Variants in MX1 observed in about 807,000 individuals in gnomAD.
MX1 encodes interferon-induced GTP-binding protein Mx1.
In MX1, 66 loss-of-function variants were observed where a neutral mutation model predicts 66.4. That is an observed-to-expected ratio of 0.99 (90% CI 0.82 to 1.22). The LOEUF is 1.22. Ranked by LOEUF, MX1 falls within the 50% of genes most tolerant of loss-of-function variation. The pLI, the probability that MX1 is intolerant of heterozygous loss-of-function variation, is 0.00. For synonymous variants in MX1, 311 were observed against 318.1 expected (o/e 0.98, Z 0.24); for missense variants, 787 against 834.3 (o/e 0.94, Z 0.70).
Position 41,441,161 on chromosome 21 carries a change from C to G in MX1, c.730+136C>G. On this transcript the variant is annotated intron_variant, in intron 9 of 16. Coordinates refer to ENST00000398598, the MANE Select transcript of MX1 (RefSeq NM_002462.5). The surrounding 1 kb of genome is among the most constrained non-coding windows in gnomAD (Gnocchi z 4.0). ...TGCTCGGTGAGAATGGGGGAGCCCGCCTGTGCTCGGTGGTCTGCCAGTGGG... is the reference window on the plus strand; with the variant it reads ...TGCTCGGTGAGAATGGGGGAGCCCGGCTGTGCTCGGTGGTCTGCCAGTGGG... The G allele has an allele frequency of 8.1e-7, 1 of 1,236,160 alleles. No homozygotes were observed. Among genetic ancestry groups the G allele is most frequent in the Non-Finnish European group, 1.1e-6 (1 of 912,730 alleles). The allele number at this position is 1,236,160 out of a possible 1,614,324, so 76.6% of individuals were successfully genotyped here. A position where few individuals can be genotyped will look rare whatever the true frequency, so the allele number is the denominator to read the frequency against.
chr21:41,444,410 T>TCTGCCTC (rs2090606604), intron 11 of MX1, among the ~76,000 whole-genome samples: 1 of 139,064 alleles, frequency 7.2e-6, no homozygotes, highest in Admixed American at 7.7e-5. Flanking sequence ...CACTGCAACC[T>TCTGCCTC]CTGCCTCCTG....
At chr21:41,443,170 A>ACT (rs10670165) in intron 10 of MX1, among the ~76,000 whole-genome samples, 74,976 of 151,892 alleles carry the variant, frequency 0.49, 19,521 homozygotes, top group Non-Finnish European at 0.59. Flanking sequence ...GTATGAGTAT[A>ACT]CTCACAAAAA....
chr21:41,444,049 C>T lies in MX1; in HGVS notation c.1008+183C>T, dbSNP rs534118520. Reference sequence around the variant, plus strand: ...TCTGCATTTCCAGCAAGCCCCCAGACAATGTGGATATTCCTTTTCAGGGGA... The same window carrying T: ...TCTGCATTTCCAGCAAGCCCCCAGATAATGTGGATATTCCTTTTCAGGGGA... On this transcript the variant is annotated intron_variant, in intron 11 of 16. Coordinates refer to ENST00000398598, the MANE Select transcript of MX1 (RefSeq NM_002462.5). Among the ~76,000 whole-genome samples the T allele has an allele frequency of 3.3e-5, 5 of 152,278 alleles. No individual in the cohort carries two copies. The East Asian group carries it at 7.7e-4, about 23-fold the overall frequency.
chr21:41,456,907 A>C (rs998114435), intron 16 of MX1, among the ~76,000 whole-genome samples: 1 of 152,106 alleles, frequency 6.6e-6, no homozygotes, highest in Non-Finnish European at 1.5e-5. Context: ...GACTACAGGC[A>C]CGTGCCACCA....
chr21:41,442,024 TGC>T (rs1555885676), intron 10 of MX1, 110 bp downstream of exon 10: 14,174 of 986,750 alleles, frequency 0.014, 285 homozygotes, highest in East Asian at 0.12. Context: ...TGTGTGTGTG[TGC>T]GTGTGTGTGT....
At chr21:41,421,588 A>T (rs975312233), upstream of MX1, among the ~76,000 whole-genome samples, 1 of 152,060 alleles carries the variant, frequency 6.6e-6, no homozygotes, top group Non-Finnish European at 1.5e-5. Context: ...CGTGGTGATG[A>T]CTCTTAAGGA....
intron 3 of MX1, among the ~76,000 whole-genome samples, chr21:41,430,304 T>C (rs541151826): frequency 2.6e-5 from 4 of 152,176 alleles, no homozygotes; most frequent in Non-Finnish European, 5.9e-5. Flanking sequence ...TTACATATTA[T>C]TGATCCAGGC....
intron 13 of MX1, 46 bp downstream of exon 13, chr21:41,446,187 T>A: frequency 1.3e-6 from 2 of 1,503,670 alleles, no homozygotes; most frequent in Non-Finnish European, 1.8e-6. Flanking sequence ...ACCGAATACC[T>A]GAGACTGGGT....
In MX1 at chr21:41,441,081, T is replaced by C; in HGVS notation, c.730+56T>C. On this transcript the variant is annotated intron_variant, in intron 9 of 16. Coordinates refer to ENST00000398598, the MANE Select transcript of MX1 (RefSeq NM_002462.5). This position sits in a 1 kb window ranked among gnomAD's most constrained non-coding sequence, Gnocchi z 4.0. ...TGAGAATGGGGGAGCCCGCCTGTGC[T>C]CGGTGAGAATGGGGGAGCCCACCTG... 15 of 1,448,688 alleles carry C rather than the reference T, an allele frequency of 1.0e-5. No individual in the cohort carries two copies. In the South Asian group the frequency reaches 1.6e-4, roughly 16 times the overall value. 89.7% of individuals were successfully genotyped at this position (1,448,688 alleles called of 1,614,324 possible).
At chr21:41,444,989 A>G (rs1412714952) in intron 11 of MX1, among the ~76,000 whole-genome samples, 4 of 152,222 alleles carry the variant, frequency 2.6e-5, no homozygotes, top group African/African-American at 7.2e-5. Context: ...TATGGCGTCA[A>G]CCGTATTGTT....
At chr21:41,448,039 A>G (rs2090713496) in intron 13 of MX1, among the ~76,000 whole-genome samples, 1 of 152,150 alleles carries the variant, frequency 6.6e-6, no homozygotes, top group African/African-American at 2.4e-5. Context: ...TGAACCATAT[A>G]TTTTTAACAG....
upstream of MX1, chr21:41,421,793 A>G (rs1168773211): frequency 6.5e-6 from 1 of 153,304 alleles, no homozygotes; most frequent in African/African-American, 2.4e-5. Context: ...ACTTCTTTCT[A>G]CACAGACACA....
chr21:41,440,904 G>A lies in MX1; in HGVS notation c.609G>A (p.Lys203=). ...DIGYKIKTLI[K]KYIQRQETIS... is the part of the protein sequence containing the mutation. The stretch of plus-strand genomic sequence containing the variant: ...CCTTACAGATCAAGACACTCATCAA[G>A]AAGTACATCCAGAGGCAGGAGACAA... The change falls in exon 9 of 17, where the codon AAG becomes AAA. Residue 203 remains lysine (K), a synonymous_variant. Coordinates refer to ENST00000398598, the MANE Select transcript of MX1 (RefSeq NM_002462.5). 1 of 1,614,190 alleles carries A rather than the reference G, an allele frequency of 6.2e-7. No homozygotes were observed.
intron 3 of MX1, among the ~76,000 whole-genome samples, chr21:41,430,211 T>C (rs2090175055): frequency 6.6e-6 from 1 of 152,042 alleles, no homozygotes; most frequent in African/African-American, 2.4e-5. Context: ...TTTAACAACC[T>C]GTCCCTTCAA....
At chr21:41,436,585 A>G (rs943008044) in intron 6 of MX1, among the ~76,000 whole-genome samples, 3 of 152,348 alleles carry the variant, frequency 2.0e-5, no homozygotes, top group Admixed American at 1.3e-4. Flanking sequence ...TAGGAAGAAT[A>G]TGGAAGGAGT....
At chr21:41,449,769 C>A (rs2075809) in intron 14 of MX1, 1,743 of 152,612 alleles carry the variant, frequency 0.011, 33 homozygotes, top group African/African-American at 0.038. Flanking sequence ...GGGCACCATC[C>A]TCATGGCACA....
exon 1 of MX1, chr21:41,420,611 G>A (rs970560835): frequency 6.6e-6 from 1 of 152,352 alleles, no homozygotes; most frequent in Admixed American, 6.5e-5. Context: ...GGTGGGGGCG[G>A]AGAGCGCAGG....
At chr21:41,435,746 G>A (rs1361317126) in intron 5 of MX1, 91 bp from the exon 6 acceptor site, 4 of 1,378,838 alleles carry the variant, frequency 2.9e-6, no homozygotes, top group East Asian at 2.3e-5. Context: ...ATTACAATTC[G>A]AGATGAGATT....
At chr21:41,433,669 T>G (rs753805541) in intron 5 of MX1, among the ~76,000 whole-genome samples, 2 of 152,112 alleles carry the variant, frequency 1.3e-5, no homozygotes, top group Non-Finnish European at 2.9e-5. Flanking sequence ...AGCAAGGATG[T>G]GATGATTGCA....
Sources: allele counts gnomAD v4.1 joint callset (sites outside exome capture counted in the v4.1 genomes callset), GRCh38; gene constraint gnomAD v4.1.1; non-coding constraint Gnocchi (gnomAD v3.1); transcripts MANE v1.5; gene names NCBI Gene and HGNC (gene_info 2026-07-23, HGNC 2026-07-21).